CHODL: variants seen among roughly 807,000 people sequenced by gnomAD.
CHODL encodes the protein chondrolectin.
A neutral mutation model predicts 34.5 loss-of-function variants in CHODL; 29 were observed. The observed-to-expected ratio is 0.84, with a 90% confidence interval of 0.63 to 1.15. CHODL has a LOEUF of 1.15. Ranked by LOEUF, CHODL falls within the 50% of genes most tolerant of loss-of-function variation. The pLI is 0.00. For synonymous variants in CHODL, 125 were observed against 116.1 expected (o/e 1.08, Z -0.49); for missense variants, 332 against 332.5 (o/e 1.00, Z 0.01).
intron 2 of CHODL, among the ~76,000 whole-genome samples, chr21:18,186,567 C>A (rs998282841): frequency 3.9e-5 from 6 of 152,120 alleles, no homozygotes; most frequent in Admixed American, 3.3e-4. Flanking sequence ...GGGCAAAATA[C>A]CACTGATTCT....
At chr21:18,254,324 T>G (rs1258061765) in intron 1 of CHODL, among the ~76,000 whole-genome samples, 1 of 151,720 alleles carries the variant, frequency 6.6e-6, no homozygotes, top group Non-Finnish European at 1.5e-5. Context: ...TTTCTTAGCA[T>G]AAAGTAATTT....
intron 2 of CHODL, among the ~76,000 whole-genome samples, chr21:18,167,235 GT>G (rs1568919671): frequency 5.3e-5 from 8 of 150,642 alleles, no homozygotes; most frequent in African/African-American, 2.0e-4. Flanking sequence ...GTGTGTGTGT[GT>G]GTGTGTGTGT....
At chr21:18,223,154 G>A (rs1347687036) in intron 2 of CHODL, among the ~76,000 whole-genome samples, 1 of 152,052 alleles carries the variant, frequency 6.6e-6, no homozygotes, top group Non-Finnish European at 1.5e-5. Context: ...ATTATGGAGT[G>A]GTAATCAGTA....
rs972769705 is a variant in CHODL, at chr21:17,982,585, T to TA, written c.-144-45279dup. On this transcript the variant is annotated intron_variant, in intron 1 of 6. Coordinates refer to the CHODL transcript ENST00000400127. The stretch of plus-strand genomic sequence containing the variant: ...ATTATGAAAATATTGTGTACTCTTT[T>TA]AAAAAAAATTTTATAAGCTAAGCAA... 1.6e-4 allele frequency among the ~76,000 whole-genome samples: 24 copies of TA among 151,494 alleles called. No homozygotes were observed. The East Asian group carries it at 2.5e-3, about 16-fold the overall frequency.
intron 4 of CHODL, among the ~76,000 whole-genome samples, chr21:18,261,898 G>A (rs1159854054): frequency 6.6e-5 from 10 of 152,098 alleles, no homozygotes; most frequent in South Asian, 2.1e-4. Flanking sequence ...TCTCTGAGTC[G>A]TGACTGTATC....
At chr21:17,962,790 G>A (rs778031234) in intron 1 of CHODL, among the ~76,000 whole-genome samples, 41 of 152,204 alleles carry the variant, frequency 2.7e-4, no homozygotes, top group East Asian at 5.8e-4. Context: ...CAGGCCAGGC[G>A]CGGTGGCTCA....
intron 2 of CHODL, among the ~76,000 whole-genome samples, chr21:18,170,602 T>A (rs1456314865): frequency 6.6e-6 from 1 of 152,078 alleles, no homozygotes; most frequent in African/African-American, 2.4e-5. Context: ...ACAATTAACG[T>A]CTTAATTTAT....
intron 4 of CHODL, among the ~76,000 whole-genome samples, chr21:18,262,104 A>C (rs2074389458): frequency 1.3e-5 from 2 of 152,178 alleles, no homozygotes; most frequent in African/African-American, 2.4e-5. Flanking sequence ...AAGGTTCTTA[A>C]TGAAAGCTAG....
chr21:17,964,156 C>T (rs889460515), intron 1 of CHODL, among the ~76,000 whole-genome samples: 8 of 151,822 alleles, frequency 5.3e-5, no homozygotes, highest in South Asian at 2.1e-4. Context: ...CCTTTGAAGC[C>T]GAAATGAAAT....
At chr21:17,934,576 G>A (rs1461298158) in intron 1 of CHODL, among the ~76,000 whole-genome samples, 1 of 151,896 alleles carries the variant, frequency 6.6e-6, no homozygotes, top group Non-Finnish European at 1.5e-5. Flanking sequence ...TTCTCTCTGT[G>A]TCTTAAAGTG....
chr21:18,245,325 G>C (rs2146779559), intron 1 of CHODL, 23 bp downstream of exon 1: 1 of 1,508,084 alleles, frequency 6.6e-7, no homozygotes, highest in East Asian at 2.6e-5. Context: ...CCGTCTCCCC[G>C]AAGAACGAGC....
intron 2 of CHODL, among the ~76,000 whole-genome samples, chr21:18,127,801 G>A (rs73200958): frequency 0.071 from 10,445 of 148,054 alleles, 398 homozygotes; most frequent in Middle Eastern, 0.12. Context: ...CAAAACTGCA[G>A]TTGAGGTGCC....
intron 2 of CHODL, among the ~76,000 whole-genome samples, chr21:18,219,188 A>C (rs2073859432): frequency 6.6e-6 from 1 of 152,184 alleles, no homozygotes; most frequent in African/African-American, 2.4e-5. Context: ...AAGGGAAAGA[A>C]GTTTTATTGA....
At chr21:18,018,969 T>C (rs889368700) in intron 1 of CHODL, among the ~76,000 whole-genome samples, 6 of 152,212 alleles carry the variant, frequency 3.9e-5, no homozygotes, top group African/African-American at 1.4e-4. Flanking sequence ...TTGATTATTA[T>C]CTGCCTGTCC....
At chr21:17,956,687 A>G (rs974980764) in intron 1 of CHODL, among the ~76,000 whole-genome samples, 3 of 136,188 alleles carry the variant, frequency 2.2e-5, no homozygotes, top group African/African-American at 5.0e-5. Flanking sequence ...CTATCTTCTC[A>G]CTGTGTTTTC....
chr21:18,196,896 T>C (rs76005936), intron 2 of CHODL, among the ~76,000 whole-genome samples: 1 of 152,168 alleles, frequency 6.6e-6, no homozygotes, highest in Non-Finnish European at 1.5e-5. Context: ...GGAGACCTAA[T>C]GTACAGCATA....
intron 2 of CHODL, among the ~76,000 whole-genome samples, chr21:18,151,657 G>A (rs748673991): frequency 5.8e-4 from 89 of 152,228 alleles, no homozygotes; most frequent in Non-Finnish European, 1.2e-3. Flanking sequence ...ACGGGGAATA[G>A]TCATGTGGGA....
chr21:18,143,874 T>C (rs2072832928), intron 2 of CHODL, among the ~76,000 whole-genome samples: 1 of 152,154 alleles, frequency 6.6e-6, no homozygotes, highest in African/African-American at 2.4e-5. Context: ...TAAAATTATA[T>C]ATTCGACATT....
intron 2 of CHODL, among the ~76,000 whole-genome samples, chr21:18,193,554 C>T (rs946677949): frequency 6.6e-6 from 1 of 151,626 alleles, no homozygotes; most frequent in South Asian, 2.1e-4. Flanking sequence ...AAATTAGCCA[C>T]ACATGGTGGC....
Sources: gnomAD v4.1 joint callset for allele counts (sites outside exome capture counted in the v4.1 genomes callset) on GRCh38, gnomAD v4.1.1 for gene constraint, MANE v1.5 for transcripts, NCBI Gene and HGNC (gene_info 2026-07-23, HGNC 2026-07-21) for gene names.